Variants in CSMD3 observed in about 807,000 individuals in gnomAD.
CSMD3 encodes CUB and Sushi multiple domains 3, also known as CUB and sushi domain-containing protein 3.
Under a neutral mutation model 435.2 loss-of-function variants are expected in CSMD3, and 177 were observed. That is an observed-to-expected ratio of 0.41 (90% CI 0.36 to 0.46). CSMD3 has a LOEUF of 0.46. Ranked by LOEUF, CSMD3 falls within the 20% of genes least tolerant of loss-of-function variation. The pLI is 0.34. For synonymous variants in CSMD3, 1,656 were observed against 1,520.5 expected, an observed-to-expected ratio of 1.09 and a Z score of -2.07; for missense variants, 4,265 against 4,504.6, an observed-to-expected ratio of 0.95 and a Z score of 1.52.
At chr8:113,222,041 G>A (rs1303024269) in intron 3 of CSMD3, among the ~76,000 whole-genome samples, 12 of 109,836 alleles carry the variant, frequency 1.1e-4, no homozygotes, top group African/African-American at 2.8e-4. Flanking sequence ...GTAAATGCAT[G>A]AAGGTTAAAT....
At chr8:113,263,408 G>A (rs552539606) in intron 3 of CSMD3, among the ~76,000 whole-genome samples, 111 of 152,034 alleles carry the variant, frequency 7.3e-4, no homozygotes, top group African/African-American at 2.6e-3. Flanking sequence ...CACAACCAGT[G>A]CTTTGAGGTC....
chr8:112,676,295 A>G (rs2075768303), intron 16 of CSMD3, among the ~76,000 whole-genome samples: 1 of 152,068 alleles, frequency 6.6e-6, no homozygotes, highest in African/African-American at 2.4e-5. Flanking sequence ...TCACCAATGA[A>G]ATGAATGCAA....
intron 4 of CSMD3, among the ~76,000 whole-genome samples, chr8:113,164,849 T>G (rs2092120098): frequency 6.6e-6 from 1 of 152,158 alleles, no homozygotes; most frequent in African/African-American, 2.4e-5. Context: ...ATTACTATGC[T>G]TTCTTAGCAC....
Position 112,550,654 on chromosome 8 carries a change from T to G in CSMD3, c.4564+17A>C. On this transcript the variant is annotated intron_variant, in intron 27 of 70. Transcript: ENST00000297405. The stretch of plus-strand genomic sequence containing the variant: ...CCTTCCTATTTTGCATTGAAGAAAT[T>G]TTTTGAAAAAACTTACTTGAAAACT... The G allele has an allele frequency of 1.4e-6, 2 of 1,481,402 alleles. No homozygotes were observed. The highest frequency in any genetic ancestry group is 1.9e-6 in the Non-Finnish European group (2 of 1,060,386). The allele number at this position is 1,481,402 out of a possible 1,614,324, so 91.8% of individuals were successfully genotyped here.
At chr8:112,479,964 T>G (rs1358240010) in intron 31 of CSMD3, among the ~76,000 whole-genome samples, 1 of 152,158 alleles carries the variant, frequency 6.6e-6, no homozygotes, top group Non-Finnish European at 1.5e-5. Context: ...CACTAGCAGC[T>G]TGCACCTCTG....
At chr8:113,273,287 A>G (rs1053995005) in intron 3 of CSMD3, among the ~76,000 whole-genome samples, 1 of 152,262 alleles carries the variant, frequency 6.6e-6, no homozygotes, top group Non-Finnish European at 1.5e-5. Flanking sequence ...CATTTTGAAT[A>G]CATTAAAAAA....
chr8:112,525,421 T>G, intron 27 of CSMD3, among the ~76,000 whole-genome samples: 1 of 150,194 alleles, frequency 6.7e-6, no homozygotes, highest in Non-Finnish European at 1.5e-5. Context: ...TTAATCCAAT[T>G]AAAAATAACT....
chr8:112,771,565 A>T (rs932257360), intron 13 of CSMD3, among the ~76,000 whole-genome samples: 1 of 151,962 alleles, frequency 6.6e-6, no homozygotes, highest in African/African-American at 2.4e-5. Flanking sequence ...AAAGAAAAAA[A>T]AGTAAAGTGT....
chr8:112,641,424 A>G (rs1362378006), intron 20 of CSMD3, among the ~76,000 whole-genome samples: 2 of 152,338 alleles, frequency 1.3e-5, no homozygotes, highest in South Asian at 4.1e-4. Flanking sequence ...AAAAAGGTAC[A>G]TGAACCAAAA....
At chr8:112,793,602 A>G (rs921719432) in intron 13 of CSMD3, among the ~76,000 whole-genome samples, 5 of 152,194 alleles carry the variant, frequency 3.3e-5, no homozygotes, top group African/African-American at 7.2e-5. Flanking sequence ...AAACAAAAAA[A>G]GGTTTGCAGA....
chr8:113,270,754 T>C (rs895593437), intron 3 of CSMD3, among the ~76,000 whole-genome samples: 2 of 148,174 alleles, frequency 1.3e-5, no homozygotes, highest in Admixed American at 1.4e-4. Context: ...ATGTTCTCAC[T>C]AATAGGTGGG....
chr8:112,912,083 TTA>T (rs200787813), intron 10 of CSMD3, among the ~76,000 whole-genome samples: 21 of 147,172 alleles, frequency 1.4e-4, no homozygotes, highest in East Asian at 2.0e-4. Context: ...TCAAGGAGTT[TTA>T]TATATATATA....
intron 22 of CSMD3, among the ~76,000 whole-genome samples, chr8:112,627,038 T>C (rs1453724930): frequency 6.6e-6 from 1 of 152,140 alleles, no homozygotes; most frequent in African/African-American, 2.4e-5. Flanking sequence ...CTTTTATTAT[T>C]ACCTCAGGTA....
At chr8:112,760,270 C>A (rs896902411) in intron 13 of CSMD3, among the ~76,000 whole-genome samples, 18 of 152,126 alleles carry the variant, frequency 1.2e-4, no homozygotes, top group Admixed American at 6.6e-4. Context: ...TCTTCAAGAG[C>A]AGTCACTGAC....
intron 4 of CSMD3, among the ~76,000 whole-genome samples, chr8:113,141,367 C>T (rs966622958): frequency 2.7e-5 from 4 of 149,856 alleles, no homozygotes; most frequent in African/African-American, 4.9e-5. Flanking sequence ...AAAACTATGC[C>T]AAAAAAGAAG....
intron 4 of CSMD3, among the ~76,000 whole-genome samples, chr8:113,124,796 T>G (rs566855801): frequency 6.6e-6 from 1 of 152,100 alleles, no homozygotes; most frequent in Non-Finnish European, 1.5e-5. Context: ...TTTGCCATCT[T>G]TTATCTTTGC....
rs925981055 is a variant in CSMD3, at chr8:113,135,206, C to A, written c.710-36243G>T. 3.9e-5 allele frequency among the ~76,000 whole-genome samples: 6 copies of A among 152,030 alleles called. No homozygotes were observed. In the South Asian group the frequency reaches 6.2e-4, roughly 16 times the overall value. On this transcript the variant is annotated intron_variant, in intron 4 of 70. Coordinates refer to ENST00000297405, the MANE Select transcript of CSMD3 (RefSeq NM_198123.2). ...ATTAGGCTGTAGATTATAATTTCCA[C>A]ACTAACTTGTTATATGTACACACAA...
chr8:113,233,189 A>T, intron 3 of CSMD3, among the ~76,000 whole-genome samples: 1 of 151,580 alleles, frequency 6.6e-6, no homozygotes, highest in East Asian at 1.9e-4. Context: ...CCAATCGATA[A>T]CTCATATTCA....
At chr8:112,688,353 C>T (rs940389693) in intron 14 of CSMD3, among the ~76,000 whole-genome samples, 6 of 152,106 alleles carry the variant, frequency 3.9e-5, no homozygotes, top group African/African-American at 1.4e-4. Flanking sequence ...GTACCACACT[C>T]ATAACTTAAG....
Sources: gnomAD v4.1 joint callset for allele counts (sites outside exome capture counted in the v4.1 genomes callset) on GRCh38, gnomAD v4.1.1 for gene constraint, MANE v1.5 for transcripts, NCBI Gene and HGNC (gene_info 2026-07-23, HGNC 2026-07-21) for gene names.